Variants in NOX4 observed in about 807,000 individuals in gnomAD.
NOX4 encodes kidney oxidase-1.
In NOX4, 69 loss-of-function variants were observed where a neutral mutation model predicts 87.6. The observed-to-expected ratio is 0.79, with a 90% CI of 0.65 to 0.96. NOX4 has a LOEUF of 0.96. NOX4 is among the 40% of genes least tolerant of loss of function. NOX4 has a pLI of 0.00. For missense variants in NOX4, 680 were observed against 681.5 expected (o/e 1.00, Z 0.02); for synonymous variants, 275 against 238.2 (o/e 1.15, Z -1.42).
chr11:89,588,852 A>G, the NOX4 span, among the ~76,000 whole-genome samples: 4 of 152,228 alleles, frequency 2.6e-5, no homozygotes, highest in East Asian at 7.7e-4. Flanking sequence ...GATACAGATT[A>G]TACTGTCAAT....
intron 6 of NOX4, among the ~76,000 whole-genome samples, chr11:89,438,920 A>ATATATATAATAATATAATATATATTATTT (rs1944322067): frequency 1.9e-5 from 1 of 53,964 alleles, no homozygotes. Flanking sequence ...ATAATATAAA[A>ATATATATAATAATATAATATATATTATTT]TATATATAAT....
At chr11:89,527,674 A>C in the NOX4 span, among the ~76,000 whole-genome samples, 6 of 152,200 alleles carry the variant, frequency 3.9e-5, no homozygotes, top group Admixed American at 3.9e-4. Context: ...TTTGGGCCTG[A>C]GGGTGCACAG....
the NOX4 span, among the ~76,000 whole-genome samples, chr11:89,538,280 C>T: frequency 6.6e-6 from 1 of 152,176 alleles, no homozygotes; most frequent in Non-Finnish European, 1.5e-5. Context: ...TTAAAACTTT[C>T]ATCTATAAGC....
At chr11:89,564,032 C>A in the NOX4 span, among the ~76,000 whole-genome samples, 6 of 151,928 alleles carry the variant, frequency 3.9e-5, no homozygotes, top group Non-Finnish European at 7.4e-5. Context: ...CATGGCAAGG[C>A]CGTTTAGATA....
chr11:89,397,286 A>G (rs2135164690), intron 11 of NOX4, among the ~76,000 whole-genome samples: 1 of 152,332 alleles, frequency 6.6e-6, no homozygotes, highest in South Asian at 2.1e-4. Context: ...CAAAGACACA[A>G]TATACCAGAA....
At chr11:89,327,140 T>A (rs1945253210) in intron 17 of NOX4, among the ~76,000 whole-genome samples, 1 of 152,202 alleles carries the variant, frequency 6.6e-6, no homozygotes, top group African/African-American at 2.4e-5. Flanking sequence ...CAGGTAGAGA[T>A]TTATCAGTTT....
the NOX4 span, among the ~76,000 whole-genome samples, chr11:89,525,257 A>G: frequency 6.6e-6 from 1 of 152,068 alleles, no homozygotes; most frequent in Non-Finnish European, 1.5e-5. Context: ...TAGCTTGATC[A>G]TATTGTAGAT....
intron 2 of NOX4, among the ~76,000 whole-genome samples, chr11:89,471,745 T>C (rs1221377821): frequency 6.6e-6 from 1 of 152,166 alleles, no homozygotes; most frequent in African/African-American, 2.4e-5. Flanking sequence ...TTTGTTTGTT[T>C]GTTTGTTTGG....
intron 2 of NOX4, among the ~76,000 whole-genome samples, chr11:89,455,719 C>CATATATATATATATATATATAT (rs60864771): frequency 6.4e-5 from 9 of 141,054 alleles, no homozygotes; most frequent in African/African-American, 2.4e-4. Flanking sequence ...AAGATGAAGT[C>CATATATATATATATATATATAT]ATATATATAT....
the NOX4 span, among the ~76,000 whole-genome samples, chr11:89,522,586 A>G: frequency 5.3e-5 from 8 of 152,170 alleles, no homozygotes; most frequent in African/African-American, 1.9e-4. Flanking sequence ...CCAAAACTCA[A>G]CATCATACAA....
At chr11:89,481,751 A>G (rs1946399009) in intron 2 of NOX4, among the ~76,000 whole-genome samples, 1 of 152,132 alleles carries the variant, frequency 6.6e-6, no homozygotes, top group Non-Finnish European at 1.5e-5. Context: ...GAGTCCATAA[A>G]GAAAGCATTT....
chr11:89,493,719 G>GT (rs141832218), upstream of NOX4, among the ~76,000 whole-genome samples: 11,597 of 132,102 alleles, frequency 0.088, 623 homozygotes, highest in East Asian at 0.24. Flanking sequence ...AAGCCAGATT[G>GT]TTTTATTATT....
the NOX4 span, among the ~76,000 whole-genome samples, chr11:89,508,492 CTATT>C: frequency 6.6e-6 from 1 of 152,038 alleles, no homozygotes; most frequent in Non-Finnish European, 1.5e-5. Context: ...TCTTTAAAAA[CTATT>C]TATGGTGTTT....
In NOX4 at chr11:89,342,213, AG is replaced by A. The variant is rs774703650; in HGVS notation, c.1218-21del. The A allele has an allele frequency of 6.3e-7, 1 of 1,587,684 alleles. No homozygotes were observed. The highest frequency in any genetic ancestry group is 1.8e-5 in the Admixed American group (1 of 54,960). ...TACAGCCTGTAGAGCAGTCAGAAAA[AG>A]GTGGGAAAAAAATGAAAATAAGTGA... is the stretch of plus-strand genomic sequence containing the variant. On this transcript the variant is annotated intron_variant, in intron 13 of 17. Transcript: ENST00000263317.
At position 89,340,063 on chromosome 11, in the gene NOX4, C is replaced by T. The variant is rs1945909874; in HGVS notation, c.1446G>A (p.Lys482=). Residue 482 remains lysine (K), a splice_region_variant and synonymous_variant, in exon 15 of 18, where the codon AAG becomes AAA. Transcript: ENST00000263317. The stretch of plus-strand genomic sequence containing the variant: ...AAACTAGAACCAACCCTAATGTTAC[C>T]TTGTTATGCAACATACAGAGTAAAT... ...FADLLCMLHN[K]FWQENRPDYV... is the part of the protein sequence containing the mutation. 1.3e-6 allele frequency: 2 copies of T among 1,504,096 alleles called. No homozygotes were observed. The highest frequency in any genetic ancestry group is 2.4e-5 in the Admixed American group (1 of 41,284). The allele number at this position is 1,504,096 out of a possible 1,614,324, so 93.2% of individuals were successfully genotyped here.
chr11:89,368,136 G>A (rs1224837769), intron 12 of NOX4, among the ~76,000 whole-genome samples: 1 of 151,396 alleles, frequency 6.6e-6, no homozygotes, highest in Non-Finnish European at 1.5e-5. Context: ...TTAGTATATT[G>A]TTATAATTAT....
At chr11:89,456,639 A>C (rs1007954749) in intron 2 of NOX4, among the ~76,000 whole-genome samples, 2 of 152,168 alleles carry the variant, frequency 1.3e-5, no homozygotes, top group Non-Finnish European at 2.9e-5. Flanking sequence ...GAATGAGCTA[A>C]ACAGGTGAGG....
intron 13 of NOX4, among the ~76,000 whole-genome samples, chr11:89,349,162 C>A (rs2134949946): frequency 6.6e-6 from 1 of 152,136 alleles, no homozygotes; most frequent in South Asian, 2.1e-4. Context: ...TGGCGAGCAC[C>A]TGTAAACCCT....
At chr11:89,389,712 G>T (rs773448920) in intron 11 of NOX4, among the ~76,000 whole-genome samples, 3 of 152,138 alleles carry the variant, frequency 2.0e-5, no homozygotes, top group Non-Finnish European at 4.4e-5. Flanking sequence ...TAAGAGCAGT[G>T]TTAGCAATAT....
Sources: gnomAD v4.1 joint callset for allele counts (sites outside exome capture counted in the v4.1 genomes callset) on GRCh38, gnomAD v4.1.1 for gene constraint, MANE v1.5 for transcripts, NCBI Gene and HGNC (gene_info 2026-07-23, HGNC 2026-07-21) for gene names.